The following INTS13 variants were observed in gnomAD, a reference collection of about 807,000 sequenced individuals.
INTS13 encodes integrator complex subunit 13.
In INTS13, 35 loss-of-function variants were observed where a neutral mutation model predicts 90.2. The observed-to-expected ratio is 0.39, with a 90% CI of 0.30 to 0.51. The LOEUF (loss-of-function observed/expected upper bound fraction) is 0.51. INTS13 is among the 20% of genes least tolerant of loss of function. INTS13 has a pLI of 0.80. For synonymous variants in INTS13, 309 were observed against 277.1 expected (o/e 1.11, Z -1.14); for missense variants, 601 against 851.2 (o/e 0.71, Z 3.66).
Position 26,914,088 on chromosome 12 carries a change from G to C in INTS13, c.1460C>G (p.Thr487Arg). The C allele has an allele frequency of 4.4e-6, 7 of 1,606,744 alleles. No individual in the cohort carries two copies. The highest frequency in any genetic ancestry group is 5.9e-6 in the Non-Finnish European group (7 of 1,177,882). ...TTGACAGTTTAACACATCTTCTTCT[G>C]TCAGAGATTCTTTCACAATAACACT... ...LASVIVKESL[T>R]EEDVLNCQKT... Residue 487 changes from threonine to arginine, a missense_variant, in exon 13 of 17, where the codon ACA (threonine) becomes AGA (arginine). Thr to Arg is a moderately conservative substitution (Grantham distance 71). This residue lies in a region of INTS13 where 228 missense variants were observed against 272.5 expected (regional missense o/e 0.84). Transcript: ENST00000261191.
intron 15 of INTS13, among the ~76,000 whole-genome samples, 186 bp downstream of exon 15, chr12:26,910,992 T>C (rs1951757304): frequency 2.6e-5 from 4 of 152,034 alleles, no homozygotes; most frequent in African/African-American, 9.7e-5. Context: ...TGTGTCACCA[T>C]GCCCGCCTAA....
At chr12:26,934,724 C>T in intron 2 of INTS13, 94 bp from the exon 3 acceptor site, 1 of 908,662 alleles carries the variant, frequency 1.1e-6, no homozygotes, top group Non-Finnish European at 1.8e-6. Context: ...AACACTGTTT[C>T]ACTGATTCAT....
rs1162294885 is a variant in INTS13, at chr12:26,928,231, A to G, written c.558T>C (p.His186=). 6.2e-7 allele frequency: 1 copy of G among 1,610,508 alleles called. No homozygotes were observed. The highest frequency in any genetic ancestry group is 1.1e-5 in the South Asian group (1 of 90,778). ...EDCVQETIHE[H]NKLAANSDHL... Reference sequence around the variant, plus strand: ...GATCTGAATTTGCAGCAAGCTTGTTATGTTCATGAATCGTTTCCTGGACAC... The same window carrying G: ...GATCTGAATTTGCAGCAAGCTTGTTGTGTTCATGAATCGTTTCCTGGACAC... Residue 186 remains histidine (H), a synonymous_variant, in exon 5 of 17, where the codon CAT becomes CAC. Coordinates refer to ENST00000261191, the MANE Select transcript of INTS13 (RefSeq NM_018164.3).
chr12:26,937,617 A>C (rs2279351), intron 1 of INTS13, 179 bp downstream of exon 1: 20,974 of 152,260 alleles, frequency 0.14, 1,618 homozygotes, highest in Admixed American at 0.24. Context: ...CAAAGTGTTA[A>C]ATCAAAACGA....
chr12:26,929,117 T>C (rs1938048769), intron 3 of INTS13: 4 of 511,180 alleles, frequency 7.8e-6, no homozygotes, highest in Non-Finnish European at 1.4e-5. Flanking sequence ...TTATTTAATA[T>C]GCAAATATCA....
At position 26,913,527 on chromosome 12, in the gene INTS13, C is replaced by T; in HGVS notation, c.1735G>A (p.Asp579Asn). 3 of 1,613,540 alleles carry T rather than the reference C, an allele frequency of 1.9e-6. No homozygotes were observed. The highest frequency in any genetic ancestry group is 2.5e-6 in the Non-Finnish European group (3 of 1,179,496). ...ERKKRGRKRE[D>N]KEDKSEKAVK... ...GCTTTCTCTGACTTGTCCTCTTTGT[C>T]TTCCCTCTTTCTTCCTCGTTTCTTT... The change falls in exon 14 of 17, where the codon GAC (aspartate) becomes AAC (asparagine). Residue 579 changes from aspartate (D) to asparagine (N), a missense_variant. Asp to Asn is a conservative substitution (Grantham distance 23). Transcript: ENST00000261191.
In INTS13 at chr12:26,917,603, C is replaced by A. The variant is rs376306322; in HGVS notation, c.979+41G>T. ...TGACCCCCATATAATACCTTAAGAA[C>A]CTTTTGATTTCGTCTTTTTCAGTTA... On this transcript the variant is annotated intron_variant, in intron 9 of 16. Coordinates refer to ENST00000261191, the MANE Select transcript of INTS13 (RefSeq NM_018164.3). 5 of 1,547,856 alleles carry A rather than the reference C, an allele frequency of 3.2e-6. No homozygotes were observed. In the South Asian group the frequency reaches 4.5e-5, roughly 14 times the overall value.
intron 15 of INTS13, among the ~76,000 whole-genome samples, chr12:26,907,860 TA>T (rs1951655261): frequency 6.6e-6 from 1 of 151,948 alleles, no homozygotes; most frequent in Non-Finnish European, 1.5e-5. Context: ...AAATGTAAAT[TA>T]AAACACCAAT....
In INTS13 at chr12:26,914,391, A is replaced by G; in HGVS notation, c.1419+17T>C. On this transcript the variant is annotated intron_variant, in intron 12 of 16. Coordinates refer to ENST00000261191, the MANE Select transcript of INTS13 (RefSeq NM_018164.3). ...ATAACTAATCTATAAGAAAAGTTGA[A>G]GCTACTTAACACTTACCGCTTGCAT... 1 of 1,587,480 alleles carries G rather than the reference A, an allele frequency of 6.3e-7. No homozygotes were observed. The highest frequency in any genetic ancestry group is 8.5e-7 in the Non-Finnish European group (1 of 1,171,128).
chr12:26,934,550 C>T lies in INTS13; in HGVS notation c.300+6G>A, dbSNP rs1938362998. The T allele has an allele frequency of 6.3e-7, 1 of 1,597,764 alleles. No individual in the cohort carries two copies. Among genetic ancestry groups the T allele is most frequent in the African/African-American group, 1.3e-5 (1 of 74,620 alleles). On this transcript the variant is annotated splice_donor_region_variant and intron_variant, in intron 3 of 16. Transcript: ENST00000261191. ...CAAATGGCCACAGCTCAAAATCTAACCATACCTCCTGTAAATTTTGGTCTT... is the reference window on the plus strand; with the variant it reads ...CAAATGGCCACAGCTCAAAATCTAATCATACCTCCTGTAAATTTTGGTCTT...
intron 5 of INTS13, among the ~76,000 whole-genome samples, chr12:26,927,460 G>A (rs532287740): frequency 7.2e-5 from 11 of 151,988 alleles, no homozygotes; most frequent in African/African-American, 2.4e-4. Flanking sequence ...TGTGAGTATA[G>A]AGGAAAAAAA....
chr12:26,934,397 T>C (rs912146022), intron 3 of INTS13, among the ~76,000 whole-genome samples, 159 bp downstream of exon 3: 1 of 152,226 alleles, frequency 6.6e-6, no homozygotes, highest in Non-Finnish European at 1.5e-5. Flanking sequence ...GTGCTGGGTG[T>C]AGGGAAAGCC....
chr12:26,917,229 G>T, intron 10 of INTS13, 123 bp downstream of exon 10: 1 of 269,424 alleles, frequency 3.7e-6, no homozygotes, highest in South Asian at 1.3e-4. Flanking sequence ...AAGCTACAGT[G>T]ATGAATATAG....
In INTS13 at chr12:26,913,621, T is replaced by C; in HGVS notation, c.1641A>G (p.Ser547=). The C allele has an allele frequency of 2.5e-6, 4 of 1,614,088 alleles. No homozygotes were observed. The African/African-American group carries it at 4.0e-5, about 16-fold the overall frequency. ...ETLVRAHINN[S]EKHQRVLECL... The stretch of plus-strand genomic sequence containing the variant: ...ATTCCAAGACTCTTTGATGTTTCTC[T>C]GAGTTGTTGATATGGGCTCTGACAA... Residue 547 remains serine, a synonymous_variant, in exon 14 of 17, where the codon TCA becomes TCG. Transcript: ENST00000261191.
At chr12:26,916,281 C>A (rs1289036128) in intron 10 of INTS13, 101 bp from the exon 11 acceptor site, 2 of 1,093,352 alleles carry the variant, frequency 1.8e-6, no homozygotes, top group Non-Finnish European at 2.5e-6. Context: ...ATTTATTGAT[C>A]CCCGTATTTT....
rs1241259550 is a variant in INTS13, at chr12:26,914,455, A to G, written c.1372T>C (p.Tyr458His). The G allele has an allele frequency of 8.7e-6, 14 of 1,613,846 alleles. 1 individual carries two copies. In the Admixed American group the frequency reaches 2.3e-4, roughly 27 times the overall value. ...GTTTGTGAAATGATCATAGGCCAGT[A>G]ACGGGTATGTTTTTCTAACTGATCT... is the stretch of plus-strand genomic sequence containing the variant. ...AKDQLEKHTR[Y>H]WPMIISQTTI... Residue 458 changes from tyrosine (Y) to histidine (H), a missense_variant, in exon 12 of 17, where the codon TAC (tyrosine) becomes CAC (histidine). Coordinates refer to ENST00000261191, the MANE Select transcript of INTS13 (RefSeq NM_018164.3).
intron 8 of INTS13, chr12:26,919,069 G>C (rs751017934): frequency 1.1e-4 from 42 of 391,124 alleles, no homozygotes; most frequent in Non-Finnish European, 2.0e-4. Flanking sequence ...CGGAGGCTGA[G>C]GTGGAAGGAC....
At chr12:26,926,218 C>T (rs1252713151) in intron 5 of INTS13, among the ~76,000 whole-genome samples, 1 of 152,128 alleles carries the variant, frequency 6.6e-6, no homozygotes, top group Non-Finnish European at 1.5e-5. Context: ...GCAATACTAA[C>T]CATTAGCTAT....
intron 2 of INTS13, among the ~76,000 whole-genome samples, chr12:26,935,656 C>T (rs1175876787): frequency 1.3e-5 from 2 of 152,196 alleles, no homozygotes; most frequent in African/African-American, 2.4e-5. Context: ...CCGAAGCCTG[C>T]GCTCCAAATC....
Sources: gnomAD v4.1 joint callset for allele counts (sites outside exome capture counted in the v4.1 genomes callset) on GRCh38, gnomAD v4.1.1 for gene constraint, gnomAD v4.1.1 regional missense constraint, MANE v1.5 for transcripts, NCBI Gene and HGNC (gene_info 2026-07-23, HGNC 2026-07-21) for gene names.